Variants in SORCS1 observed in about 807,000 individuals in gnomAD.
SORCS1 encodes the protein sortilin related VPS10 domain containing receptor 1.
In SORCS1, 60 loss-of-function variants were observed where a neutral mutation model predicts 146.1. That is an observed-to-expected ratio of 0.41 (90% CI 0.33 to 0.51). SORCS1 has a LOEUF of 0.51. SORCS1 is among the 20% of genes least tolerant of loss of function. SORCS1 has a pLI of 0.21. For missense variants in SORCS1, 1,352 were observed against 1,487.6 expected (o/e 0.91, Z 1.50); for synonymous variants, 637 against 584.0 (o/e 1.09, Z -1.31).
chr10:107,039,926 A>G (rs7088717), intron 1 of SORCS1, among the ~76,000 whole-genome samples: 39,317 of 152,066 alleles, frequency 0.26, 5,413 homozygotes, highest in Middle Eastern at 0.43. Context: ...TCTGGACAAC[A>G]TAGTGAGGCC....
rs1247774085 is a variant in SORCS1, at chr10:106,672,966, G to A, written c.1960C>T (p.His654Tyr). 1 of 1,613,810 alleles carries A rather than the reference G, an allele frequency of 6.2e-7. No homozygotes were observed. Among genetic ancestry groups the A allele is most frequent in the Admixed American group, 1.7e-5 (1 of 60,000 alleles). Residue 654 changes from histidine to tyrosine, a missense_variant, in exon 15 of 26, where the codon CAC becomes TAC. Physicochemically the swap from His to Tyr is moderately conservative, Grantham distance 83. Transcript: ENST00000263054. ...LIMTVFGHFS[H>Y]RSEWQLVKVD... ...TTGACCAGCTGCCATTCAGAGCGGT[G>A]GCTGAAGTGTCCAAACACTCTACAG...
In SORCS1 at chr10:106,879,870, C is replaced by A. The variant is rs11813331; in HGVS notation, c.627-50197G>T. On this transcript the variant is annotated intron_variant, in intron 2 of 25. Coordinates refer to ENST00000263054, the MANE Select transcript of SORCS1 (RefSeq NM_052918.5). ...CCAGAGCCCCCAGATGGGAGTCCAG[C>A]CAGCTGATACCTTAACATCAGCCTT... Among the ~76,000 whole-genome samples the A allele has an allele frequency of 4.2e-3, 637 of 152,324 alleles. 7 individuals are homozygous for A. The highest frequency in any genetic ancestry group is 0.015 in the African/African-American group (625 of 41,554).
chr10:107,163,863 C>T (rs1969891849), intron 1 of SORCS1, 106 bp downstream of exon 1: 1 of 1,304,210 alleles, frequency 7.7e-7, no homozygotes, highest in African/African-American at 1.5e-5. Flanking sequence ...GCAGCATCTC[C>T]CATGTCCAGA....
intron 25 of SORCS1, chr10:106,577,940 C>A (rs1430706572): frequency 1.8e-5 from 3 of 166,784 alleles, no homozygotes; most frequent in African/African-American, 7.2e-5. Context: ...CCAGTCACTG[C>A]ATTTACATTT....
At chr10:106,855,721 T>C (rs1283710403) in intron 2 of SORCS1, among the ~76,000 whole-genome samples, 1 of 152,238 alleles carries the variant, frequency 6.6e-6, no homozygotes, top group Non-Finnish European at 1.5e-5. Context: ...CATTTCTTCT[T>C]GATCTTTTCT....
chr10:106,984,662 G>T (rs929484125), intron 1 of SORCS1, among the ~76,000 whole-genome samples: 6 of 151,600 alleles, frequency 4.0e-5, no homozygotes, highest in African/African-American at 1.5e-4. Flanking sequence ...CAAAGGGCTG[G>T]GATTACAGGC....
chr10:106,638,050 G>A (rs1429303882), intron 18 of SORCS1, among the ~76,000 whole-genome samples: 1 of 152,128 alleles, frequency 6.6e-6, no homozygotes, highest in African/African-American at 2.4e-5. Context: ...AGATATTATG[G>A]TACAGAGAGG....
rs1006642804 is a variant in SORCS1 at position 106,776,808 on chromosome 10, T to C, written c.727-116A>G. 4.6e-6 allele frequency: 5 copies of C among 1,079,214 alleles called. No homozygotes were observed. In the African/African-American group the frequency reaches 8.0e-5, roughly 17 times the overall value. The allele number at this position is 1,079,214 out of a possible 1,614,324, so 66.9% of individuals were successfully genotyped here. A position where few individuals can be genotyped will look rare whatever the true frequency, so the allele number is the denominator to read the frequency against. ...AAGGACAGGGGCAGGCAAAGAATGC[T>C]TGGCCAAACAGGGACCTTGACTCTG... is the stretch of plus-strand genomic sequence containing the variant. On this transcript the variant is annotated intron_variant, in intron 3 of 25. Coordinates refer to ENST00000263054, the MANE Select transcript of SORCS1 (RefSeq NM_052918.5).
intron 2 of SORCS1, among the ~76,000 whole-genome samples, chr10:106,835,964 C>CATT (rs1948762167): frequency 1.3e-5 from 2 of 150,862 alleles, no homozygotes; most frequent in African/African-American, 4.9e-5. Context: ...GAGATCGCGC[C>CATT]ATTGCACTCT....
At chr10:107,010,306 C>A (rs1247671149) in intron 1 of SORCS1, among the ~76,000 whole-genome samples, 1 of 152,076 alleles carries the variant, frequency 6.6e-6, no homozygotes, top group Non-Finnish European at 1.5e-5. Context: ...GTTTGAAAAC[C>A]CACTGGGCCA....
intron 1 of SORCS1, among the ~76,000 whole-genome samples, chr10:107,087,222 G>A (rs1963828991): frequency 6.6e-6 from 1 of 152,018 alleles, no homozygotes; most frequent in Non-Finnish European, 1.5e-5. Context: ...CATTTCACCT[G>A]CCACCATTTG....
At chr10:106,734,531 C>A (rs777425897) in intron 5 of SORCS1, among the ~76,000 whole-genome samples, 1 of 152,162 alleles carries the variant, frequency 6.6e-6, no homozygotes, top group Non-Finnish European at 1.5e-5. Flanking sequence ...CAGGCACCTG[C>A]ATGCCACAGA....
At chr10:107,118,888 T>C (rs537403439) in intron 1 of SORCS1, among the ~76,000 whole-genome samples, 7 of 152,314 alleles carry the variant, frequency 4.6e-5, no homozygotes, top group African/African-American at 1.7e-4. Flanking sequence ...ATACTTATAA[T>C]GTGAGGTCCT....
rs1342535486 is a variant in SORCS1 at position 106,656,435 on chromosome 10, C to T, written c.2304-3882G>A. Among the ~76,000 whole-genome samples the T allele has an allele frequency of 4.6e-5, 7 of 152,252 alleles. No individual in the cohort carries two copies. The East Asian group carries it at 1.2e-3, about 25-fold the overall frequency. On this transcript the variant is annotated intron_variant, in intron 17 of 25. Transcript: ENST00000263054. ...GCTTGCTGGCGGGCGCCTGTAGTCC[C>T]AGCTACTCTACTCGGGAGGCTGAGG... is the stretch of plus-strand genomic sequence containing the variant.
intron 7 of SORCS1, among the ~76,000 whole-genome samples, chr10:106,707,499 C>G (rs1030955273): frequency 2.6e-5 from 4 of 152,090 alleles, no homozygotes; most frequent in Non-Finnish European, 5.9e-5. Flanking sequence ...CTGTGCCCAG[C>G]CTTTTTGAAA....
At chr10:106,802,253 G>A (rs1946940672) in intron 3 of SORCS1, among the ~76,000 whole-genome samples, 1 of 152,206 alleles carries the variant, frequency 6.6e-6, no homozygotes, top group African/African-American at 2.4e-5. Context: ...GTGATAAGGT[G>A]AGCCTGGCTT....
intron 1 of SORCS1, among the ~76,000 whole-genome samples, chr10:107,017,155 A>G (rs1226229416): frequency 6.6e-6 from 1 of 152,224 alleles, no homozygotes; most frequent in Non-Finnish European, 1.5e-5. Context: ...TTCTAGATGT[A>G]ACTGACAAAA....
chr10:106,779,334 C>A (rs1425314339), intron 3 of SORCS1, among the ~76,000 whole-genome samples: 5 of 152,080 alleles, frequency 3.3e-5, no homozygotes, highest in Non-Finnish European at 5.9e-5. Flanking sequence ...AATCTGGATC[C>A]ATTTTTCATT....
At chr10:107,047,964 TC>T (rs918410162) in intron 1 of SORCS1, among the ~76,000 whole-genome samples, 4 of 151,830 alleles carry the variant, frequency 2.6e-5, no homozygotes, top group Non-Finnish European at 5.9e-5. Context: ...ATGTCTGTAG[TC>T]CCAGCTATTC....
Sources: gnomAD v4.1 joint callset for allele counts (sites outside exome capture counted in the v4.1 genomes callset) on GRCh38, gnomAD v4.1.1 for gene constraint, MANE v1.5 for transcripts, NCBI Gene and HGNC (gene_info 2026-07-23, HGNC 2026-07-21) for gene names.